Variants in GPRC5C observed in about 807,000 individuals in gnomAD.
GPRC5C encodes the protein G protein-coupled receptor class C group 5 member C.
In GPRC5C, 22 loss-of-function variants were observed where a neutral mutation model predicts 31.4. That is an observed-to-expected ratio of 0.70 (90% CI 0.50 to 1.00). The LOEUF (loss-of-function observed/expected upper bound fraction) is 1.00. Ranked by LOEUF, GPRC5C falls within the 50% of genes least tolerant of loss-of-function variation. The pLI is 0.00. For synonymous variants in GPRC5C, 249 were observed against 257.5 expected (o/e 0.97, Z 0.32); for missense variants, 557 against 597.2 (o/e 0.93, Z 0.70).
chr17:74,436,978 C>T (rs557101641), intron 1 of GPRC5C, among the ~76,000 whole-genome samples: 16 of 152,166 alleles, frequency 1.1e-4, no homozygotes, highest in African/African-American at 3.6e-4. Flanking sequence ...AGTCTCGCTC[C>T]GTCACCCAGG....
chr17:74,446,994 C>CT lies in GPRC5C; in HGVS notation c.1293dup (p.Gln432SerfsTer4). ...ACACCGCCGAAAGACGGCAAGAACT[C>CT]TCAGGTCTTTAGAAACCCCTACGTG... On this transcript the variant is annotated frameshift_variant, in exon 4 of 4. Coordinates refer to ENST00000392627, the MANE Select transcript of GPRC5C (RefSeq NM_022036.4). LOFTEE classifies it high-confidence loss of function. The CT allele has an allele frequency of 6.2e-7, 1 of 1,614,174 alleles. No individual in the cohort carries two copies. Among genetic ancestry groups the CT allele is most frequent in the Non-Finnish European group, 8.5e-7 (1 of 1,179,976 alleles).
intron 1 of GPRC5C, among the ~76,000 whole-genome samples, chr17:74,436,125 C>T (rs1378248581): frequency 6.6e-6 from 1 of 152,194 alleles, no homozygotes; most frequent in Non-Finnish European, 1.5e-5. Context: ...GGATAATGCC[C>T]CCAGCCCCAC....
intron 1 of GPRC5C, among the ~76,000 whole-genome samples, chr17:74,434,130 G>A (rs989154419): frequency 6.6e-6 from 1 of 152,182 alleles, no homozygotes; most frequent in African/African-American, 2.4e-5. Context: ...TTTCGGAGGC[G>A]ATTAAAAATA....
chr17:74,433,118 G>T (rs1013307892), intron 1 of GPRC5C, among the ~76,000 whole-genome samples: 2 of 151,972 alleles, frequency 1.3e-5, no homozygotes, highest in Admixed American at 1.3e-4. Flanking sequence ...CCCCAGGCCC[G>T]CAGTGTTACA....
intron 1 of GPRC5C, among the ~76,000 whole-genome samples, chr17:74,438,903 C>A (rs936155376): frequency 6.6e-6 from 1 of 152,228 alleles, no homozygotes; most frequent in Non-Finnish European, 1.5e-5. Context: ...GAGCGGCAGT[C>A]AGTAGATGGA....
chr17:74,447,001 C>G lies in GPRC5C; in HGVS notation c.1299C>G (p.Val433=). ...CGAAAGACGGCAAGAACTCTCAGGTCTTTAGAAACCCCTACGTGTGGGACT... is the reference window on the plus strand; with the variant it reads ...CGAAAGACGGCAAGAACTCTCAGGTGTTTAGAAACCCCTACGTGTGGGACT... ...TPPKDGKNSQ[V]FRNPYVWD The change falls in exon 4 of 4, where the codon GTC becomes GTG. Residue 433 remains valine, a synonymous_variant. Transcript: ENST00000392627. The G allele has an allele frequency of 6.2e-7, 1 of 1,614,014 alleles. No individual in the cohort carries two copies. The highest frequency in any genetic ancestry group is 8.5e-7 in the Non-Finnish European group (1 of 1,179,860).
intron 1 of GPRC5C, among the ~76,000 whole-genome samples, chr17:74,438,961 C>T (rs1346202387): frequency 6.6e-6 from 1 of 152,206 alleles, no homozygotes; most frequent in Non-Finnish European, 1.5e-5. Flanking sequence ...TTCTTGCCTT[C>T]TAGCTACAAC....
At position 74,446,834 on chromosome 17, in the gene GPRC5C, T is replaced by A. The variant is rs772268570; in HGVS notation, c.1147-15T>A. On this transcript the variant is annotated splice_polypyrimidine_tract_variant and intron_variant, in intron 3 of 3. Transcript: ENST00000392627. ...CCCAATCCCCGACTGTGAGACCGCC[T>A]GTTCTTCCTTCCAGTCCGAAGGAGC... 5 of 1,592,410 alleles carry A rather than the reference T, an allele frequency of 3.1e-6. No homozygotes were observed. The Admixed American group carries it at 8.4e-5, about 27-fold the overall frequency.
rs759258639 is a variant in GPRC5C at position 74,446,897 on chromosome 17, C to G, written c.1195C>G (p.Gln399Glu). ...CCTCCCACGGGCCACCGCCAACAGCCAGGTGATGGGCAGTGCCAACTCGAC... is the reference window on the plus strand; with the variant it reads ...CCTCCCACGGGCCACCGCCAACAGCGAGGTGATGGGCAGTGCCAACTCGAC... ...IILPRATANSQVMGSANSTLR... is the reference protein window; with the variant it reads ...IILPRATANSEVMGSANSTLR... Residue 399 changes from glutamine (Q) to glutamate (E), a missense_variant, in exon 4 of 4, where the codon CAG (glutamine) becomes GAG (glutamate). Coordinates refer to ENST00000392627, the MANE Select transcript of GPRC5C (RefSeq NM_022036.4). The G allele has an allele frequency of 6.2e-7, 1 of 1,613,920 alleles. No homozygotes were observed. The highest frequency in any genetic ancestry group is 1.3e-5 in the African/African-American group (1 of 75,074).
At chr17:74,444,639 A>C (rs2055598918) in intron 3 of GPRC5C, among the ~76,000 whole-genome samples, 1 of 152,086 alleles carries the variant, frequency 6.6e-6, no homozygotes, top group Non-Finnish European at 1.5e-5. Context: ...GCCGCGGGGC[A>C]GGGGGAGGTG....
downstream of GPRC5C, chr17:74,449,543 G>A (rs1023318605): frequency 1.6e-5 from 5 of 322,444 alleles, no homozygotes; most frequent in African/African-American, 6.7e-5. Flanking sequence ...TGACTGGAGC[G>A]CCTAGGGCCA....
At position 74,438,215 on chromosome 17, in the gene GPRC5C, A is replaced by C. The variant is rs1316833204; in HGVS notation, c.-32-1530A>C. 8.0e-3 allele frequency among the ~76,000 whole-genome samples: 392 copies of C among 49,176 alleles called. 3 individuals carry two copies. The highest frequency in any genetic ancestry group is 0.03 in the African/African-American group (366 of 12,266). The allele number at this position is 49,176 out of a possible 152,430, so 32.3% of individuals were successfully genotyped here. The stretch of plus-strand genomic sequence containing the variant: ...ACACTCTCTGCTAATTCATATATAT[A>C]TATATATATATATATATATATATAT... On this transcript the variant is annotated intron_variant, in intron 1 of 3. Transcript: ENST00000392627.
intron 1 of GPRC5C, among the ~76,000 whole-genome samples, chr17:74,437,615 C>T (rs1359974496): frequency 2.2e-5 from 3 of 136,958 alleles, no homozygotes; most frequent in African/African-American, 9.9e-5. Flanking sequence ...TTTCACATAA[C>T]AATTATGGAC....
At position 74,447,120 on chromosome 17, in the gene GPRC5C, G is replaced by T; in HGVS notation, c.*92G>T. The T allele has an allele frequency of 1.3e-6, 2 of 1,508,430 alleles. No individual in the cohort carries two copies. The highest frequency in any genetic ancestry group is 1.8e-6 in the Non-Finnish European group (2 of 1,127,702). 93.4% of individuals were successfully genotyped at this position (1,508,430 alleles called of 1,614,324 possible). The stretch of plus-strand genomic sequence containing the variant: ...GACTCTCCAGGCTCCTCCTCCCCCT[G>T]GCAGGCCCAGCAACATGTGCCCCAG... On this transcript the variant is annotated 3_prime_UTR_variant, in exon 4 of 4. Coordinates refer to ENST00000392627, the MANE Select transcript of GPRC5C (RefSeq NM_022036.4).
chr17:74,440,455 G>A lies in GPRC5C; in HGVS notation c.679G>A (p.Ala227Thr). 1 of 1,614,062 alleles carries A rather than the reference G, an allele frequency of 6.2e-7. No homozygotes were observed. Among genetic ancestry groups the A allele is most frequent in the South Asian group, 1.1e-5 (1 of 91,078 alleles). Residue 227 changes from alanine to threonine, a missense_variant, in exon 2 of 4, where the codon GCC (alanine) becomes ACC (threonine). Coordinates refer to ENST00000392627, the MANE Select transcript of GPRC5C (RefSeq NM_022036.4). The surrounding 1 kb of genome is among the most constrained non-coding windows in gnomAD (Gnocchi z 4.4). ...GCTGCTGCTGGGTGCCTTCCTGGGG[G>A]CCTGGCCCGCCCTGTGTGGCCGCTA... The part of the protein sequence containing the change: ...MLLLLGAFLG[A>T]WPALCGRYKR...
Position 74,439,780 on chromosome 17 carries a change from G to A in GPRC5C, c.4G>A (p.Ala2Thr). 6.2e-7 allele frequency: 1 copy of A among 1,609,938 alleles called. No individual in the cohort carries two copies. The change falls in exon 2 of 4, where the codon GCC (alanine) becomes ACC (threonine). Residue 2 changes from alanine (A) to threonine (T), a missense_variant. Coordinates refer to ENST00000392627, the MANE Select transcript of GPRC5C (RefSeq NM_022036.4). ...AGAGCCTGGCCTGGGAGCCAGGATG[G>A]CCATCCACAAAGCCTTGGTGATGTG... M[A>T]IHKALVMCLG...
Position 74,440,204 on chromosome 17 carries a change from T to C in GPRC5C, c.428T>C (p.Phe143Ser). The change falls in exon 2 of 4, where the codon TTC (phenylalanine) becomes TCC (serine). Residue 143 changes from phenylalanine to serine, a missense_variant. Phe to Ser is a radical substitution (Grantham distance 155, BLOSUM62 -2). Coordinates refer to ENST00000392627, the MANE Select transcript of GPRC5C (RefSeq NM_022036.4). This position sits in a 1 kb window ranked among gnomAD's most constrained non-coding sequence, Gnocchi z 4.4. ...GCGGCTCACGTCTTTGCCCTCAACT[T>C]CCTGGCCCGGAAGAACCACGGGCCC... ...CLAAHVFALN[F>S]LARKNHGPRG... The C allele has an allele frequency of 6.2e-7, 1 of 1,614,176 alleles. No individual in the cohort carries two copies. The highest frequency in any genetic ancestry group is 8.5e-7 in the Non-Finnish European group (1 of 1,180,020).
Position 74,440,747 on chromosome 17 carries a change from A to G in GPRC5C, c.971A>G (p.Tyr324Cys), listed in dbSNP as rs769480115. 4 of 1,590,310 alleles carry G rather than the reference A, an allele frequency of 2.5e-6. No homozygotes were observed. Among genetic ancestry groups the G allele is most frequent in the African/African-American group, 2.7e-5 (2 of 74,490 alleles). Residue 324 changes from tyrosine to cysteine, a missense_variant, in exon 2 of 4, where the codon TAT (tyrosine) becomes TGT (cysteine). Coordinates refer to ENST00000392627, the MANE Select transcript of GPRC5C (RefSeq NM_022036.4). This position sits in a 1 kb window ranked among gnomAD's most constrained non-coding sequence, Gnocchi z 4.4. Reference sequence around the variant, plus strand: ...ATGTACCCCACCCGGGGCGTGGGCTATGAGACCATCCTGAAAGAGCAGAAG... The same window carrying G: ...ATGTACCCCACCCGGGGCGTGGGCTGTGAGACCATCCTGAAAGAGCAGAAG... Reference protein sequence around the residue: ...GDMYPTRGVGYETILKEQKGQ... With the variant: ...GDMYPTRGVGCETILKEQKGQ...
At chr17:74,438,338 G>A (rs953095661) in intron 1 of GPRC5C, among the ~76,000 whole-genome samples, 13 of 149,282 alleles carry the variant, frequency 8.7e-5, no homozygotes, top group African/African-American at 3.2e-4. Flanking sequence ...TTGGCTCACT[G>A]CAACTTCCAC....
Sources: allele counts gnomAD v4.1 joint callset (sites outside exome capture counted in the v4.1 genomes callset), GRCh38; gene constraint gnomAD v4.1.1; non-coding constraint Gnocchi (gnomAD v3.1); transcripts MANE v1.5; gene names NCBI Gene and HGNC (gene_info 2026-07-23, HGNC 2026-07-21).